The following UBR4 variants were observed in gnomAD, a reference collection of about 807,000 sequenced individuals.
UBR4 encodes E3 ubiquitin-protein ligase UBR4.
UBR4 carries 124 observed loss-of-function variants against 575.6 expected under a neutral mutation model. That is an observed-to-expected ratio of 0.22 (90% confidence interval 0.19 to 0.25). UBR4 has a LOEUF of 0.25. Among genes scored for constraint, UBR4 ranks in the 10% least tolerant of loss-of-function variants. The pLI, the probability that UBR4 is intolerant of heterozygous loss-of-function variation, is 1.00. For synonymous variants in UBR4, 2,455 were observed against 2,473.7 expected, an observed-to-expected ratio of 0.99 and a Z score of 0.22; for missense variants, 4,818 against 6,478.8, an observed-to-expected ratio of 0.74 and a Z score of 8.80.
At chr1:19,201,396 TC>T (rs1338139177) in intron 2 of UBR4, among the ~76,000 whole-genome samples, 1 of 151,904 alleles carries the variant, frequency 6.6e-6, no homozygotes, top group African/African-American at 2.4e-5. Context: ...ACCACCGCCT[TC>T]CCCCCAGGGA....
At chr1:19,098,147 C>T (rs2078246585) in intron 90 of UBR4, among the ~76,000 whole-genome samples, 1 of 152,186 alleles carries the variant, frequency 6.6e-6, no homozygotes, top group Admixed American at 6.5e-5. Flanking sequence ...ACAGGACACC[C>T]TGGAGGAAGA....
Position 19,153,520 on chromosome 1 carries a change from A to G in UBR4, c.6631-18T>C. The G allele has an allele frequency of 6.2e-7, 1 of 1,613,196 alleles. No individual in the cohort carries two copies. The highest frequency in any genetic ancestry group is 1.3e-5 in the African/African-American group (1 of 75,012). On this transcript the variant is annotated intron_variant, in intron 45 of 105. Coordinates refer to ENST00000375254, the MANE Select transcript of UBR4 (RefSeq NM_020765.3). This position sits in a 1 kb window ranked among gnomAD's most constrained non-coding sequence, Gnocchi z 4.1. ...TCTTGGATCTAGGAGGAGAGGACAA[A>G]GGAGGGTCTTCGTTCCCACACCCAC...
intron 21 of UBR4, 59 bp from the exon 22 acceptor site, chr1:19,174,506 CCTATACA>C: frequency 6.3e-7 from 1 of 1,575,634 alleles, no homozygotes; most frequent in Non-Finnish European, 8.6e-7. Context: ...TTTCCTACTG[CCTATACA>C]CTATCACTTA....
rs761265143 is a variant in UBR4 at position 19,095,626 on chromosome 1, G to A, written c.13545C>T (p.Cys4515=). Residue 4515 remains cysteine, a synonymous_variant, in exon 93 of 106, where the codon TGC becomes TGT. Coordinates refer to ENST00000375254, the MANE Select transcript of UBR4 (RefSeq NM_020765.3). ...LTVLLKLFSY[C]VKVKVNRQQL... ...GCTGCCGGTTGACTTTCACCTTCAC[G>A]CAGTAACTGAACAATTTCAGTAGCA... 3.7e-6 allele frequency: 6 copies of A among 1,613,846 alleles called. No homozygotes were observed. The highest frequency in any genetic ancestry group is 2.2e-5 in the East Asian group (1 of 44,886).
Position 19,152,060 on chromosome 1 carries a change from C to G in UBR4, c.6997-201G>C, listed in dbSNP as rs1157122928. Among the ~76,000 whole-genome samples, 1 of 152,216 alleles carries G rather than the reference C, an allele frequency of 6.6e-6. No individual in the cohort carries two copies. The highest frequency in any genetic ancestry group is 1.5e-5 in the Non-Finnish European group (1 of 68,036). On this transcript the variant is annotated intron_variant, in intron 47 of 105. Coordinates refer to ENST00000375254, the MANE Select transcript of UBR4 (RefSeq NM_020765.3). This position sits in a 1 kb window ranked among gnomAD's most constrained non-coding sequence, Gnocchi z 4.4. ...TCTCTTCAATGTCAGGCTTCCTTCT[C>G]CCCAGTATTAACCACCTCTTTGATG...
chr1:19,110,282 G>A lies in UBR4; in HGVS notation c.11978-59C>T. 2 of 1,613,472 alleles carry A rather than the reference G, an allele frequency of 1.2e-6. No homozygotes were observed. The highest frequency in any genetic ancestry group is 1.7e-6 in the Non-Finnish European group (2 of 1,179,498). ...AGGAACACTACACATCTGCTCTGCA[G>A]AGGCCGCCCAAGCATCAGTTTCCCT... On this transcript the variant is annotated intron_variant, in intron 80 of 105. Coordinates refer to ENST00000375254, the MANE Select transcript of UBR4 (RefSeq NM_020765.3). The surrounding 1 kb of genome is among the most constrained non-coding windows in gnomAD (Gnocchi z 4.5).
At chr1:19,155,256 G>A (rs2086285384) in intron 43 of UBR4, among the ~76,000 whole-genome samples, 181 bp from the exon 44 acceptor site, 1 of 152,166 alleles carries the variant, frequency 6.6e-6, no homozygotes, top group South Asian at 2.1e-4. Flanking sequence ...AATTAATTTA[G>A]CCCTAAAGGA....
At chr1:19,115,193 GCACATGCACACA>G (rs529722249) in intron 74 of UBR4, among the ~76,000 whole-genome samples, 193 bp downstream of exon 74, 2,965 of 73,692 alleles carry the variant, frequency 0.04, 41 homozygotes, top group East Asian at 0.14. Flanking sequence ...ACACTCGTGT[GCACATGCACACA>G]CACACACACA....
intron 3 of UBR4, among the ~76,000 whole-genome samples, chr1:19,199,260 T>C (rs945682166): frequency 6.6e-5 from 10 of 152,216 alleles, no homozygotes; most frequent in Non-Finnish European, 1.5e-5. Context: ...TTAGCCCCTT[T>C]AGTTGGGACC....
At chr1:19,155,103 G>A in intron 43 of UBR4, 28 bp from the exon 44 acceptor site, 4 of 1,610,878 alleles carry the variant, frequency 2.5e-6, no homozygotes, top group Non-Finnish European at 3.4e-6. Flanking sequence ...CATATTTGCA[G>A]TAATTCATGT....
intron 70 of UBR4, 115 bp downstream of exon 70, chr1:19,119,440 TAA>T: frequency 7.2e-7 from 1 of 1,392,012 alleles, no homozygotes; most frequent in Non-Finnish European, 9.8e-7. Context: ...TAGATATATT[TAA>T]AAGAGGTTTC....
intron 20 of UBR4, among the ~76,000 whole-genome samples, chr1:19,175,925 C>T (rs558180586): frequency 2.0e-5 from 3 of 152,160 alleles, no homozygotes; most frequent in African/African-American, 7.2e-5. Context: ...TCTCGAGTAG[C>T]TGGCACCACA....
rs193079304 is a variant in UBR4 at position 19,187,627 on chromosome 1, G to A, written c.1395-87C>T. 240 of 1,312,278 alleles carry A rather than the reference G, an allele frequency of 1.8e-4. 2 individuals are homozygous for A. In the East Asian group the frequency reaches 5.8e-3, roughly 31 times the overall value. 81.3% of individuals were successfully genotyped at this position (1,312,278 alleles called of 1,614,324 possible). On this transcript the variant is annotated intron_variant, in intron 11 of 105. Coordinates refer to ENST00000375254, the MANE Select transcript of UBR4 (RefSeq NM_020765.3). ...AAGCAGTGGATCTTGCCATTTTGGG[G>A]TTTCAGACCCCTTTCAGACTCTGTG...
rs1385403963 is a variant in UBR4, at chr1:19,143,182, AAAG to A, written c.8179+795_8179+797del. 2.2e-4 allele frequency among the ~76,000 whole-genome samples: 33 copies of A among 149,314 alleles called. No homozygotes were observed. In the East Asian group the frequency reaches 5.5e-3, roughly 25 times the overall value. On this transcript the variant is annotated intron_variant, in intron 55 of 105. Coordinates refer to ENST00000375254, the MANE Select transcript of UBR4 (RefSeq NM_020765.3). ...GAAAGGAAAGGAAGGAAGGAAGAAA[AAAG>A]AAAGAAAGGAAGGAAGGAAGGAAGG...
Position 19,123,069 on chromosome 1 carries a change from G to A in UBR4, c.9589-9C>T, listed in dbSNP as rs774317466. ...TGCTGGATCATGAGGTACTTGAGAA[G>A]AAAAACACCACAAAGAGTAAATGAC... On this transcript the variant is annotated splice_polypyrimidine_tract_variant and intron_variant, in intron 65 of 105. Transcript: ENST00000375254. 2 of 1,613,734 alleles carry A rather than the reference G, an allele frequency of 1.2e-6. No individual in the cohort carries two copies. Among genetic ancestry groups the A allele is most frequent in the South Asian group, 1.1e-5 (1 of 91,040 alleles).
rs774910921 is a variant in UBR4 at position 19,118,854 on chromosome 1, A to C, written c.10541+18T>G. On this transcript the variant is annotated intron_variant, in intron 71 of 105. Transcript: ENST00000375254. ...GCTGACTGAGCTTCCCACAGGTAGA[A>C]AGCAAAACAAAGCTCACTTATAAAT... The C allele has an allele frequency of 6.2e-7, 1 of 1,613,946 alleles. No homozygotes were observed. The highest frequency in any genetic ancestry group is 8.5e-7 in the Non-Finnish European group (1 of 1,179,808).
intron 102 of UBR4, 145 bp downstream of exon 102, chr1:19,084,359 T>TCC: frequency 1.3e-6 from 1 of 763,246 alleles, no homozygotes; most frequent in East Asian, 2.8e-5. Flanking sequence ...CAGATGAGCA[T>TCC]CCCCACCTCG....
intron 25 of UBR4, among the ~76,000 whole-genome samples, chr1:19,171,799 C>T (rs1056433212): frequency 2.6e-5 from 4 of 152,114 alleles, no homozygotes; most frequent in African/African-American, 7.2e-5. Context: ...GAGATGAGAT[C>T]GCACCACTGC....
chr1:19,183,439 A>C (rs960314177), intron 17 of UBR4, among the ~76,000 whole-genome samples: 1 of 152,158 alleles, frequency 6.6e-6, no homozygotes, highest in African/African-American at 2.4e-5. Flanking sequence ...TTGGAGCTAC[A>C]GGCCGGGCGC....
Sources: gnomAD v4.1 joint callset for allele counts (sites outside exome capture counted in the v4.1 genomes callset) on GRCh38, gnomAD v4.1.1 for gene constraint, Gnocchi (gnomAD v3.1) non-coding constraint, MANE v1.5 for transcripts, NCBI Gene and HGNC (gene_info 2026-07-23, HGNC 2026-07-21) for gene names.